The following CDCA2 variants were observed in gnomAD, a reference collection of about 807,000 sequenced individuals.
CDCA2 encodes cell division cycle-associated protein 2.
A neutral mutation model predicts 67.0 loss-of-function variants in CDCA2; 44 were observed. The ratio of observed to expected loss-of-function variants is 0.66; its 90% CI spans 0.52 to 0.84. CDCA2 has a LOEUF of 0.84. Among genes scored for constraint, CDCA2 ranks in the 40% least tolerant of loss-of-function variants. CDCA2 has a pLI of 0.00. For missense variants in CDCA2, 1,253 were observed against 1,203.2 expected, an observed-to-expected ratio of 1.04 and a Z score of -0.61; for synonymous variants, 447 against 418.7, an observed-to-expected ratio of 1.07 and a Z score of -0.82.
At chr8:25,492,154 C>T (rs1420505133) in intron 13 of CDCA2, among the ~76,000 whole-genome samples, 1 of 151,822 alleles carries the variant, frequency 6.6e-6, no homozygotes, top group Non-Finnish European at 1.5e-5. Context: ...CACCTTGTTG[C>T]CCAGGCTGGT....
intron 4 of CDCA2, among the ~76,000 whole-genome samples, 191 bp downstream of exon 4, chr8:25,462,399 G>T (rs1802731025): frequency 1.3e-5 from 2 of 152,292 alleles, no homozygotes; most frequent in South Asian, 4.1e-4. Context: ...GGCTGAGGCA[G>T]GCAGATCATT....
At chr8:25,488,216 T>C (rs956969992) in intron 12 of CDCA2, among the ~76,000 whole-genome samples, 2 of 152,202 alleles carry the variant, frequency 1.3e-5, no homozygotes, top group Admixed American at 6.5e-5. Flanking sequence ...ATGATTTTTT[T>C]CCCCATAACC....
Position 25,507,006 on chromosome 8 carries a change from T to A in CDCA2, c.2340T>A (p.Asn780Lys). 3.1e-6 allele frequency: 5 copies of A among 1,614,118 alleles called. No individual in the cohort carries two copies. The highest frequency in any genetic ancestry group is 4.2e-6 in the Non-Finnish European group (5 of 1,179,994). ...LGAAEGKLQC[N>K]RLMPNSQKDC... ...CTGCAGAAGGAAAACTGCAATGCAA[T>A]CGTTTAATGCCTAATTCACAAAAAG... The change falls in exon 15 of 15, where the codon AAT (asparagine) becomes AAA (lysine). Residue 780 changes from asparagine (N) to lysine (K), a missense_variant. Coordinates refer to ENST00000330560, the MANE Select transcript of CDCA2 (RefSeq NM_152562.4).
At chr8:25,465,924 G>A (rs934833288) in intron 4 of CDCA2, among the ~76,000 whole-genome samples, 1 of 152,152 alleles carries the variant, frequency 6.6e-6, no homozygotes, top group African/African-American at 2.4e-5. Flanking sequence ...CCATCCCAGA[G>A]CGCAATGTTT....
Position 25,484,199 on chromosome 8 carries a change from G to A in CDCA2, c.1354G>A (p.Gly452Arg). The change falls in exon 10 of 15, where the codon GGG becomes AGG. Residue 452 changes from glycine to arginine, a missense_variant. Transcript: ENST00000330560. ...PLPQPDFDDK[G>R]ENLENIEPLQ... Reference sequence around the variant, plus strand: ...ACCTCAACCAGATTTTGATGACAAGGGGGAGAATCTTGTAAGTATGAAAAG... The same window carrying A: ...ACCTCAACCAGATTTTGATGACAAGAGGGAGAATCTTGTAAGTATGAAAAG... 1 of 1,613,868 alleles carries A rather than the reference G, an allele frequency of 6.2e-7. No homozygotes were observed. The highest frequency in any genetic ancestry group is 8.5e-7 in the Non-Finnish European group (1 of 1,179,804).
intron 13 of CDCA2, among the ~76,000 whole-genome samples, chr8:25,489,189 A>G (rs1586508520): frequency 1.3e-5 from 2 of 152,224 alleles, no homozygotes; most frequent in South Asian, 2.1e-4. Flanking sequence ...ACCTTAACCC[A>G]GTTCCTTTTC....
chr8:25,500,613 C>A (rs180783474), intron 13 of CDCA2, among the ~76,000 whole-genome samples: 72 of 152,188 alleles, frequency 4.7e-4, no homozygotes, highest in African/African-American at 1.7e-3. Flanking sequence ...TTCAAGCAGT[C>A]CTCCTGCCTC....
intron 13 of CDCA2, among the ~76,000 whole-genome samples, chr8:25,490,444 AC>A (rs1563277179): frequency 6.6e-6 from 1 of 151,810 alleles, no homozygotes; most frequent in African/African-American, 2.4e-5. Flanking sequence ...TTTCTAGAAG[AC>A]CAAGCAGATG....
At chr8:25,473,361 C>T (rs7818622) in intron 7 of CDCA2, among the ~76,000 whole-genome samples, 146,421 of 152,320 alleles carry the variant, frequency 0.96, 70,617 homozygotes, top group East Asian at 1. Flanking sequence ...AGAATTTTTA[C>T]TGTGATATTG....
At position 25,506,981 on chromosome 8, in the gene CDCA2, C is replaced by A; in HGVS notation, c.2315C>A (p.Ala772Asp). 1.2e-6 allele frequency: 2 copies of A among 1,614,104 alleles called. No homozygotes were observed. Among genetic ancestry groups the A allele is most frequent in the Non-Finnish European group, 1.7e-6 (2 of 1,179,990 alleles). Reference protein sequence around the residue: ...KCERKDDFLGAAEGKLQCNRL... With the variant: ...KCERKDDFLGDAEGKLQCNRL... ...GAAAGAAAGGATGACTTCTTAGGAG[C>A]TGCAGAAGGAAAACTGCAATGCAAT... The change falls in exon 15 of 15, where the codon GCT becomes GAT. Residue 772 changes from alanine (A) to aspartate (D), a missense_variant. By Grantham distance (126) the Ala-to-Asp change is moderately radical. Transcript: ENST00000330560.
In CDCA2 at chr8:25,507,130, G is replaced by A. The variant is rs1286023656; in HGVS notation, c.2464G>A (p.Val822Met). 2 of 1,614,054 alleles carry A rather than the reference G, an allele frequency of 1.2e-6. No individual in the cohort carries two copies. Among genetic ancestry groups the A allele is most frequent in the African/African-American group, 1.3e-5 (1 of 74,928 alleles). ...GRKPMESSSV[V>M]SCRDRKDRRR... Reference sequence around the variant, plus strand: ...AAAACCCATGGAAAGTAGCAGTGTTGTGAGTTGCAGAGACAGGAAAGATAG... The same window carrying A: ...AAAACCCATGGAAAGTAGCAGTGTTATGAGTTGCAGAGACAGGAAAGATAG... The change falls in exon 15 of 15, where the codon GTG becomes ATG. Residue 822 changes from valine (V) to methionine (M), a missense_variant. Physicochemically the swap from Val to Met is conservative, Grantham distance 21. Transcript: ENST00000330560.
intron 13 of CDCA2, among the ~76,000 whole-genome samples, 176 bp downstream of exon 13, chr8:25,488,865 C>T (rs1481735619): frequency 6.6e-6 from 1 of 152,102 alleles, no homozygotes; most frequent in Non-Finnish European, 1.5e-5. Context: ...TCTGAATTGC[C>T]TAAGGAACAC....
At chr8:25,476,584 A>G (rs6985331) in intron 7 of CDCA2, among the ~76,000 whole-genome samples, 144,606 of 150,488 alleles carry the variant, frequency 0.96, 69,683 homozygotes, top group East Asian at 1. Context: ...ATGGAGTCTC[A>G]CTCTGCCGCC....
chr8:25,474,383 T>C (rs1803268959), intron 7 of CDCA2, among the ~76,000 whole-genome samples: 2 of 152,232 alleles, frequency 1.3e-5, no homozygotes, highest in Admixed American at 1.3e-4. Context: ...TTGATGGAAG[T>C]CAGCAATAAA....
At chr8:25,489,824 A>G (rs889989086) in intron 13 of CDCA2, among the ~76,000 whole-genome samples, 3 of 152,214 alleles carry the variant, frequency 2.0e-5, no homozygotes, top group African/African-American at 7.2e-5. Context: ...CATACACAGC[A>G]TGGTTAATGA....
In CDCA2 at chr8:25,479,950, A is replaced by G. The variant is rs1369380937; in HGVS notation, c.858A>G (p.Ser286=). Residue 286 remains serine, a synonymous_variant, in exon 8 of 15, where the codon TCA becomes TCG. Coordinates refer to ENST00000330560, the MANE Select transcript of CDCA2 (RefSeq NM_152562.4). The part of the protein sequence containing the change: ...KVADCVVGKG[S]SDAVSPDTFT... ...CTGACTGTGTAGTGGGCAAAGGATC[A>G]AGTGATGCCGTTTCGCCTGACACGT... 3.1e-6 allele frequency: 5 copies of G among 1,614,212 alleles called. No individual in the cohort carries two copies. Among genetic ancestry groups the G allele is most frequent in the South Asian group, 1.1e-5 (1 of 91,084 alleles).
intron 7 of CDCA2, among the ~76,000 whole-genome samples, chr8:25,472,653 A>G (rs1803202975): frequency 6.6e-6 from 1 of 152,190 alleles, no homozygotes; most frequent in African/African-American, 2.4e-5. Flanking sequence ...CATATAATTT[A>G]TGTTTTCAAC....
At chr8:25,487,381 A>G (rs999846439) in intron 12 of CDCA2, 47 bp downstream of exon 12, 8 of 1,264,034 alleles carry the variant, frequency 6.3e-6, no homozygotes, top group African/African-American at 6.0e-5. Flanking sequence ...AAATCGTGCA[A>G]TATACTTTTC....
At chr8:25,467,967 G>C (rs1213255950) in intron 5 of CDCA2, among the ~76,000 whole-genome samples, 1 of 151,544 alleles carries the variant, frequency 6.6e-6, no homozygotes, top group Non-Finnish European at 1.5e-5. Context: ...AATATACGAA[G>C]ATTAGCCAGG....
Sources: gnomAD v4.1 joint callset for allele counts (sites outside exome capture counted in the v4.1 genomes callset) on GRCh38, gnomAD v4.1.1 for gene constraint, MANE v1.5 for transcripts, NCBI Gene and HGNC (gene_info 2026-07-23, HGNC 2026-07-21) for gene names.